Variants in FHDC1 observed in about 807,000 individuals in gnomAD.
The protein encoded by FHDC1 is FH2 domain containing 1.
FHDC1 carries 25 observed loss-of-function variants against 52.6 expected under a neutral mutation model. The ratio of observed to expected loss-of-function variants is 0.48; its 90% CI spans 0.35 to 0.66. FHDC1 has a LOEUF of 0.66. FHDC1 is among the 30% of genes least tolerant of loss of function. The probability of loss-of-function intolerance (pLI) is 0.01; values close to 1 mark genes in which losing one functional copy is unlikely to be tolerated. For synonymous variants in FHDC1, 616 were observed against 581.5 expected (o/e 1.06, Z -0.85); for missense variants, 1,459 against 1,452.8 (o/e 1.00, Z -0.07).
chr4:152,951,541 A>C (rs985427222), intron 2 of FHDC1, among the ~76,000 whole-genome samples: 2 of 152,184 alleles, frequency 1.3e-5, no homozygotes, highest in African/African-American at 4.8e-5. Flanking sequence ...CTTCAAAAGA[A>C]GGCAACCATA....
intron 2 of FHDC1, among the ~76,000 whole-genome samples, chr4:152,946,030 C>T (rs1278132777): frequency 6.6e-6 from 1 of 152,166 alleles, no homozygotes; most frequent in East Asian, 1.9e-4. Context: ...GCGTAATGTC[C>T]TCAAGGTTCA....
chr4:152,931,993 A>G (rs1214829308), upstream of FHDC1, among the ~76,000 whole-genome samples: 2 of 151,586 alleles, frequency 1.3e-5, no homozygotes, highest in Non-Finnish European at 2.9e-5. Context: ...AGCATTCAGA[A>G]AAATATTTCT....
At chr4:152,924,250 C>G in the FHDC1 span, among the ~76,000 whole-genome samples, 1 of 152,050 alleles carries the variant, frequency 6.6e-6, no homozygotes, top group Admixed American at 6.6e-5. Context: ...CCAAAAAACA[C>G]ATGAAAAAAT....
intron 4 of FHDC1, among the ~76,000 whole-genome samples, chr4:152,958,839 A>G (rs1441818519): frequency 6.6e-6 from 1 of 152,232 alleles, no homozygotes; most frequent in East Asian, 1.9e-4. Flanking sequence ...AAGGCTAAAA[A>G]TGGTCAATTC....
chr4:152,949,909 A>G (rs1218346002), intron 2 of FHDC1, among the ~76,000 whole-genome samples: 1 of 152,198 alleles, frequency 6.6e-6, no homozygotes, highest in African/African-American at 2.4e-5. Flanking sequence ...TTGGGGGAAG[A>G]GGTAACGAAC....
the FHDC1 span, among the ~76,000 whole-genome samples, chr4:152,917,910 C>T: frequency 2.6e-5 from 4 of 152,046 alleles, no homozygotes; most frequent in African/African-American, 9.7e-5. Context: ...CCAATGAAGC[C>T]AGCCATAAAA....
At chr4:152,958,734 G>A (rs1012036693) in intron 4 of FHDC1, among the ~76,000 whole-genome samples, 11 of 152,126 alleles carry the variant, frequency 7.2e-5, no homozygotes, top group African/African-American at 2.7e-4. Context: ...AGCTCAGAAG[G>A]GATTAGAATT....
At chr4:152,930,997 A>ACACACTCT in the FHDC1 span, among the ~76,000 whole-genome samples, 217 of 113,232 alleles carry the variant, frequency 1.9e-3, no homozygotes, top group Middle Eastern at 9.6e-3. Flanking sequence ...ACACACACAC[A>ACACACTCT]CTCTCTCTCT....
chr4:152,933,858 AC>A (rs1739298011), upstream of FHDC1, among the ~76,000 whole-genome samples: 1 of 152,142 alleles, frequency 6.6e-6, no homozygotes, highest in African/African-American at 2.4e-5. Flanking sequence ...GGATTGTCAG[AC>A]TGAAGAATGC....
the FHDC1 span, among the ~76,000 whole-genome samples, chr4:152,915,496 C>A: frequency 1.3e-5 from 2 of 152,170 alleles, no homozygotes; most frequent in African/African-American, 4.8e-5. Flanking sequence ...GAAAAATATT[C>A]AGTGCTTGCA....
chr4:152,963,778 T>TTG (rs1181114886), intron 8 of FHDC1, among the ~76,000 whole-genome samples: 2 of 110,592 alleles, frequency 1.8e-5, no homozygotes, highest in Non-Finnish European at 3.5e-5. Context: ...TGTTTTTTTT[T>TTG]TTTTTTTTTT....
Position 152,976,067 on chromosome 4 carries a change from G to A in FHDC1, c.2776G>A (p.Gly926Arg). 6.2e-7 allele frequency: 1 copy of A among 1,600,294 alleles called. No homozygotes were observed. The highest frequency in any genetic ancestry group is 8.5e-7 in the Non-Finnish European group (1 of 1,174,026). ...GWRRPELSSR[G>R]PSQNPPSSTD... is the part of the protein sequence containing the mutation. The stretch of plus-strand genomic sequence containing the variant: ...GAGGCGACCAGAGCTGTCATCCCGG[G>A]GGCCCTCCCAGAATCCCCCCAGCAG... The change falls in exon 12 of 12, where the codon GGG (glycine) becomes AGG (arginine). Residue 926 changes from glycine to arginine, a missense_variant. Physicochemically the swap from Gly to Arg is moderately radical, Grantham distance 125. Around this residue, in one of 3 missense-constraint regions of FHDC1, gnomAD observed 939 missense variants for 854.5 expected, o/e 1.10. Transcript: ENST00000511601.
In FHDC1 at chr4:152,943,231, T is replaced by TC; in HGVS notation, c.176dup (p.Pro60SerfsTer34). On this transcript the variant is annotated frameshift_variant, in exon 2 of 12. Coordinates refer to ENST00000511601, the MANE Select transcript of FHDC1 (RefSeq NM_001371116.1). LOFTEE classifies it high-confidence loss of function. ...CAAGGGAAGAGTGTCCTTCCTCCCC[T>TC]CCTCCACCCCCACCACCTCCACTTC... 1.2e-5 allele frequency: 12 copies of TC among 1,026,526 alleles called. No individual in the cohort carries two copies. The highest frequency in any genetic ancestry group is 4.6e-5 in the South Asian group (3 of 65,860). 63.6% of individuals were successfully genotyped at this position (1,026,526 alleles called of 1,614,324 possible).
the FHDC1 span, among the ~76,000 whole-genome samples, chr4:152,925,809 T>C: frequency 6.6e-6 from 1 of 151,334 alleles, no homozygotes; most frequent in Non-Finnish European, 1.5e-5. Flanking sequence ...ATAGTAACTA[T>C]TTTAGTGAAA....
the FHDC1 span, chr4:152,918,465 G>A: frequency 1.3e-5 from 2 of 152,216 alleles, no homozygotes; most frequent in Non-Finnish European, 2.9e-5. Context: ...CCATGGCAGA[G>A]CCAGGTAATT....
At chr4:152,920,898 C>T in the FHDC1 span, among the ~76,000 whole-genome samples, 1 of 150,818 alleles carries the variant, frequency 6.6e-6, no homozygotes, top group East Asian at 1.9e-4. Context: ...TAAATAATTT[C>T]CCTTTAATTA....
At chr4:152,927,086 C>T in the FHDC1 span, among the ~76,000 whole-genome samples, 1 of 152,212 alleles carries the variant, frequency 6.6e-6, no homozygotes, top group Non-Finnish European at 1.5e-5. Context: ...AAAAGAGTTA[C>T]CTGCCTTCCA....
intron 11 of FHDC1, 28 bp downstream of exon 11, chr4:152,972,569 G>A: frequency 6.3e-7 from 1 of 1,580,496 alleles, no homozygotes. Flanking sequence ...TGTGTCTTGG[G>A]GTTGTTTGGA....
intron 4 of FHDC1, among the ~76,000 whole-genome samples, chr4:152,957,782 A>G (rs1462211459): frequency 6.6e-6 from 1 of 152,168 alleles, no homozygotes. Context: ...TCTGCCCTCT[A>G]CCACAAATCT....
Sources: gnomAD v4.1 joint callset for allele counts (sites outside exome capture counted in the v4.1 genomes callset) on GRCh38, gnomAD v4.1.1 for gene constraint, gnomAD v4.1.1 regional missense constraint, MANE v1.5 for transcripts, NCBI Gene and HGNC (gene_info 2026-07-23, HGNC 2026-07-21) for gene names.